Variants in CDK14 observed in about 807,000 individuals in gnomAD.
CDK14 encodes cyclin-dependent kinase 14.
A neutral mutation model predicts 60.7 loss-of-function variants in CDK14; 34 were observed. The ratio of observed to expected loss-of-function variants is 0.56; its 90% CI spans 0.43 to 0.75. The LOEUF is 0.75. CDK14 is among the 30% of genes least tolerant of loss of function. The pLI is 0.00. For synonymous variants in CDK14, 197 were observed against 203.7 expected (o/e 0.97, Z 0.28); for missense variants, 482 against 564.1 (o/e 0.85, Z 1.47).
At chr7:90,665,898 C>A (rs974076201) in intron 2 of CDK14, among the ~76,000 whole-genome samples, 4 of 152,164 alleles carry the variant, frequency 2.6e-5, no homozygotes, top group African/African-American at 7.2e-5. Flanking sequence ...TCGATAAAAT[C>A]ATCATGCTTC....
At chr7:90,710,739 A>G (rs766167050) in intron 2 of CDK14, among the ~76,000 whole-genome samples, 3 of 151,984 alleles carry the variant, frequency 2.0e-5, no homozygotes, top group Admixed American at 2.0e-4. Flanking sequence ...CAGACAGCCT[A>G]CTCCAATGAG....
chr7:90,990,956 C>G (rs1795516336), intron 10 of CDK14, among the ~76,000 whole-genome samples: 1 of 152,168 alleles, frequency 6.6e-6, no homozygotes, highest in Non-Finnish European at 1.5e-5. Flanking sequence ...AACATAGCCC[C>G]TACTTGCTTC....
chr7:90,941,156 A>C (rs866346162), intron 8 of CDK14, among the ~76,000 whole-genome samples: 3 of 152,210 alleles, frequency 2.0e-5, no homozygotes, highest in African/African-American at 2.4e-5. Context: ...TTCAGTAATC[A>C]AGGAGAAATT....
intron 6 of CDK14, among the ~76,000 whole-genome samples, chr7:90,891,687 T>A (rs909117032): frequency 1.3e-5 from 2 of 152,242 alleles, no homozygotes; most frequent in African/African-American, 4.8e-5. Flanking sequence ...CTTCCTTATT[T>A]TTAGCCTAGA....
At chr7:91,095,803 G>A (rs957462147) in intron 12 of CDK14, among the ~76,000 whole-genome samples, 2 of 151,978 alleles carry the variant, frequency 1.3e-5, no homozygotes, top group African/African-American at 4.8e-5. Context: ...TATACAAGAT[G>A]AAAATGGTTG....
chr7:90,789,162 C>G (rs1805721262), intron 4 of CDK14, among the ~76,000 whole-genome samples: 1 of 152,142 alleles, frequency 6.6e-6, no homozygotes, highest in South Asian at 2.1e-4. Flanking sequence ...AATTTGGGAA[C>G]AAGCTACATA....
intron 2 of CDK14, among the ~76,000 whole-genome samples, chr7:90,648,191 G>A (rs1376049593): frequency 6.6e-6 from 1 of 152,102 alleles, no homozygotes; most frequent in Non-Finnish European, 1.5e-5. Flanking sequence ...GGTTGGAGCT[G>A]CATTCATTTG....
chr7:90,952,724 C>T (rs940316307), intron 8 of CDK14, among the ~76,000 whole-genome samples: 1 of 152,090 alleles, frequency 6.6e-6, no homozygotes, highest in African/African-American at 2.4e-5. Context: ...CCATGAACTG[C>T]GTCTTTTTTA....
rs186840278 is a variant in CDK14 at position 91,053,427 on chromosome 7, C to T, written c.1105+7467C>T. Among the ~76,000 whole-genome samples, 13 of 152,234 alleles carry T rather than the reference C, an allele frequency of 8.5e-5. No homozygotes were observed. The South Asian group carries it at 1.2e-3, about 15-fold the overall frequency. The stretch of plus-strand genomic sequence containing the variant: ...TAAGAGAGCTTCCCTGCCCACAGAC[C>T]TAGACCTACGAAGGAGAATTGTCAG... On this transcript the variant is annotated intron_variant, in intron 11 of 14. Coordinates refer to ENST00000380050, the MANE Select transcript of CDK14 (RefSeq NM_001287135.2).
intron 14 of CDK14, among the ~76,000 whole-genome samples, chr7:91,173,638 A>C (rs1374801168): frequency 6.6e-6 from 1 of 152,202 alleles, no homozygotes. Context: ...GCATTGCCTC[A>C]CTTGGGAAGC....
intron 14 of CDK14, among the ~76,000 whole-genome samples, chr7:91,175,194 A>G (rs1801685718): frequency 6.6e-6 from 1 of 151,996 alleles, no homozygotes; most frequent in Admixed American, 6.6e-5. Flanking sequence ...AGAATTTCAT[A>G]TCCAGCCAAA....
rs5885756 is a variant in CDK14, at chr7:91,120,536, CT to C, written c.*28+2343del. On this transcript the variant is annotated intron_variant, in intron 14 of 14. Transcript: ENST00000380050. ...GCCTTTTTCACATCAACTTGTAAAG[CT>C]TTTTTTTTTTTTTTGAGATGGAGTT... is the stretch of plus-strand genomic sequence containing the variant. 8.0e-3 allele frequency among the ~76,000 whole-genome samples: 1,119 copies of C among 139,178 alleles called. 6 individuals carry two copies. Among genetic ancestry groups the C allele is most frequent in the African/African-American group, 0.019 (721 of 37,890 alleles). 91.3% of individuals were successfully genotyped at this position (139,178 alleles called of 152,430 possible).
chr7:91,162,640 A>G (rs1190006890), intron 14 of CDK14, among the ~76,000 whole-genome samples: 1 of 152,178 alleles, frequency 6.6e-6, no homozygotes, highest in Non-Finnish European at 1.5e-5. Context: ...TGACTCTGTA[A>G]CTTCGGGAAG....
intron 14 of CDK14, among the ~76,000 whole-genome samples, chr7:91,140,968 A>C (rs1471021476): frequency 6.6e-6 from 1 of 152,162 alleles, no homozygotes; most frequent in East Asian, 1.9e-4. Flanking sequence ...GCTTGGTAAA[A>C]GTTGTACATA....
chr7:91,188,534 A>G (rs144896152), intron 14 of CDK14, among the ~76,000 whole-genome samples: 1 of 152,154 alleles, frequency 6.6e-6, no homozygotes, highest in Non-Finnish European at 1.5e-5. Context: ...AAAGTGTAGT[A>G]TATGTGTAGA....
intron 11 of CDK14, among the ~76,000 whole-genome samples, chr7:91,067,435 TG>T (rs1020441278): frequency 2.0e-5 from 3 of 152,220 alleles, no homozygotes; most frequent in African/African-American, 7.2e-5. Context: ...GAGTTTGTCC[TG>T]TCTTCATTTG....
At chr7:90,998,663 C>T (rs1432183205) in intron 10 of CDK14, among the ~76,000 whole-genome samples, 3 of 152,034 alleles carry the variant, frequency 2.0e-5, no homozygotes, top group Non-Finnish European at 4.4e-5. Context: ...CCCAGGTGGG[C>T]GGATCACGAA....
intron 10 of CDK14, among the ~76,000 whole-genome samples, chr7:91,021,921 G>A (rs903979446): frequency 6.6e-6 from 1 of 152,226 alleles, no homozygotes; most frequent in Non-Finnish European, 1.5e-5. Context: ...GAAAGTGTGA[G>A]TAGATTTTAA....
At chr7:90,870,072 C>T (rs1396321617) in intron 6 of CDK14, among the ~76,000 whole-genome samples, 1 of 152,150 alleles carries the variant, frequency 6.6e-6, no homozygotes, top group East Asian at 1.9e-4. Flanking sequence ...ATTCTAATGG[C>T]AGGTGGGTCC....
Sources: gnomAD v4.1 joint callset for allele counts (sites outside exome capture counted in the v4.1 genomes callset) on GRCh38, gnomAD v4.1.1 for gene constraint, MANE v1.5 for transcripts, NCBI Gene and HGNC (gene_info 2026-07-23, HGNC 2026-07-21) for gene names.